CPNE5: variants seen among roughly 807,000 people sequenced by gnomAD.
CPNE5 encodes the protein copine 5.
CPNE5 carries 42 observed loss-of-function variants against 81.1 expected under a neutral mutation model. That is an observed-to-expected ratio of 0.52 (90% CI 0.40 to 0.67). The LOEUF is 0.67. CPNE5 is among the 30% of genes least tolerant of loss of function. The probability of loss-of-function intolerance (pLI) is 0.00; values close to 1 mark genes in which losing one functional copy is unlikely to be tolerated. For synonymous variants in CPNE5, 313 were observed against 321.5 expected, an observed-to-expected ratio of 0.97 and a Z score of 0.28; for missense variants, 612 against 815.5, an observed-to-expected ratio of 0.75 and a Z score of 3.04.
intron 19 of CPNE5, 108 bp from the exon 20 acceptor site, chr6:36,743,870 C>A: frequency 1.0e-6 from 1 of 959,236 alleles, no homozygotes. Flanking sequence ...AGGGCCGAGA[C>A]CACTGGCCCA....
intron 6 of CPNE5, among the ~76,000 whole-genome samples, chr6:36,795,853 G>A (rs1217287467): frequency 6.6e-6 from 1 of 152,190 alleles, no homozygotes; most frequent in Non-Finnish European, 1.5e-5. Flanking sequence ...ACAGGGTTTA[G>A]TCAGGAAGAC....
At chr6:36,839,646 G>A (rs1180477232), upstream of CPNE5, 10 of 268,098 alleles carry the variant, frequency 3.7e-5, no homozygotes, top group African/African-American at 1.6e-4. The surrounding 1 kb of genome is among the most constrained non-coding windows in gnomAD (Gnocchi z 7.3). Context: ...GGGAGCGGGG[G>A]CACAGCGGGG....
In CPNE5 at chr6:36,765,239, G is replaced by C. The variant is rs111864259; in HGVS notation, c.779+96C>G. 1,335 of 1,390,096 alleles carry C rather than the reference G, an allele frequency of 9.6e-4. 13 individuals carry two copies. The African/African-American group carries it at 0.015, about 16-fold the overall frequency. 86.1% of individuals were successfully genotyped at this position (1,390,096 alleles called of 1,614,324 possible). A position where few individuals can be genotyped will look rare whatever the true frequency, so the allele number is the denominator to read the frequency against. ...TCCCTCACCCCCAGAGCCACTGCGGGGGGGAGCCTGGTCACAGCTCCGCAT... is the reference window on the plus strand; with the variant it reads ...TCCCTCACCCCCAGAGCCACTGCGGCGGGGAGCCTGGTCACAGCTCCGCAT... On this transcript the variant is annotated intron_variant, in intron 11 of 20. Transcript: ENST00000244751.
intron 14 of CPNE5, 62 bp downstream of exon 14, chr6:36,752,972 T>C (rs1765011730): frequency 1.5e-6 from 2 of 1,378,946 alleles, no homozygotes; most frequent in Non-Finnish European, 2.1e-6. Context: ...GCCGGTCCTG[T>C]CGGTGTGTGG....
chr6:36,802,771 T>C (rs1405301649), intron 3 of CPNE5, among the ~76,000 whole-genome samples: 1 of 152,080 alleles, frequency 6.6e-6, no homozygotes, highest in Non-Finnish European at 1.5e-5. Flanking sequence ...CCAAAGGGGT[T>C]GGGTGCGGTG....
At chr6:36,788,961 A>T (rs1192274516) in intron 8 of CPNE5, among the ~76,000 whole-genome samples, 1 of 152,154 alleles carries the variant, frequency 6.6e-6, no homozygotes, top group African/African-American at 2.4e-5. Context: ...AAATGTATTC[A>T]TTTGAGCAGG....
At chr6:36,742,927 T>C in intron 20 of CPNE5, 1 of 985,382 alleles carries the variant, frequency 1.0e-6, no homozygotes, top group Non-Finnish European at 1.2e-6. Flanking sequence ...GGCCAATGCC[T>C]AATGCCAGGC....
chr6:36,820,267 A>G (rs1482987660), intron 3 of CPNE5, among the ~76,000 whole-genome samples: 1 of 150,784 alleles, frequency 6.6e-6, no homozygotes, highest in African/African-American at 2.4e-5. Context: ...AGGCAGAGGT[A>G]GCAATGTGGC....
intron 3 of CPNE5, among the ~76,000 whole-genome samples, chr6:36,815,030 C>A (rs9470409): frequency 6.6e-6 from 1 of 151,780 alleles, no homozygotes; most frequent in African/African-American, 2.4e-5. Flanking sequence ...TGGTGGTGCA[C>A]GCCTGTAATC....
chr6:36,801,492 T>C (rs1019668056), intron 3 of CPNE5, among the ~76,000 whole-genome samples: 2 of 152,172 alleles, frequency 1.3e-5, no homozygotes, highest in Non-Finnish European at 2.9e-5. Flanking sequence ...AACCATCCCA[T>C]CAAAGCGGCT....
chr6:36,770,554 G>A (rs1249182333), intron 10 of CPNE5, among the ~76,000 whole-genome samples: 1 of 151,936 alleles, frequency 6.6e-6, no homozygotes, highest in African/African-American at 2.4e-5. Context: ...TCTCACAATA[G>A]GAGGGAATGA....
intron 17 of CPNE5, 55 bp from the exon 18 acceptor site, chr6:36,745,205 C>A: frequency 6.7e-7 from 1 of 1,503,698 alleles, no homozygotes; most frequent in East Asian, 2.3e-5. Flanking sequence ...GGGCATGTTC[C>A]CCCCTAAACA....
At position 36,749,617 on chromosome 6, in the gene CPNE5, A is replaced by G. The variant is rs1027827543; in HGVS notation, c.972-1350T>C. 3.3e-5 allele frequency among the ~76,000 whole-genome samples: 5 copies of G among 151,724 alleles called. No homozygotes were observed. The East Asian group carries it at 7.7e-4, about 23-fold the overall frequency. On this transcript the variant is annotated intron_variant, in intron 14 of 20. Coordinates refer to ENST00000244751, the MANE Select transcript of CPNE5 (RefSeq NM_020939.2). ...TGAGGTGGGAGGATTGATTGACACT[A>G]GGAGTTCAAGGCCAGCCTGAGCAAC...
At chr6:36,753,785 C>T (rs190434549) in intron 13 of CPNE5, among the ~76,000 whole-genome samples, 2 of 152,234 alleles carry the variant, frequency 1.3e-5, no homozygotes, top group Non-Finnish European at 2.9e-5. Flanking sequence ...AGCTACCTGG[C>T]AGCTCATTAT....
chr6:36,809,545 C>T (rs1770908572), intron 3 of CPNE5, among the ~76,000 whole-genome samples: 1 of 151,926 alleles, frequency 6.6e-6, no homozygotes, highest in South Asian at 2.1e-4. Flanking sequence ...CACTGCACTC[C>T]AGCCTGGGCG....
intron 12 of CPNE5, among the ~76,000 whole-genome samples, chr6:36,762,461 A>G (rs1443026254): frequency 2.0e-5 from 3 of 152,148 alleles, no homozygotes; most frequent in Non-Finnish European, 4.4e-5. Flanking sequence ...GGCTAGAACA[A>G]GGAAGGTATC....
Position 36,743,723 on chromosome 6 carries a change from G to A in CPNE5, c.1529C>T (p.Ser510Phe). Residue 510 changes from serine (S) to phenylalanine (F), a missense_variant, in exon 20 of 21, where the codon TCC becomes TTC. Ser to Phe is a radical substitution (Grantham distance 155). Coordinates refer to ENST00000244751, the MANE Select transcript of CPNE5 (RefSeq NM_020939.2). The stretch of plus-strand genomic sequence containing the variant: ...GTCGCGTTCAGCCAGCTTCCCCCGG[G>A]AGGAGATCCGCACGTCGTCGCCATC... Reference protein sequence around the residue: ...ELDGDDVRISSRGKLAERDIV... With the variant: ...ELDGDDVRISFRGKLAERDIV... 2 of 1,613,282 alleles carry A rather than the reference G, an allele frequency of 1.2e-6. No individual in the cohort carries two copies. The highest frequency in any genetic ancestry group is 1.7e-6 in the Non-Finnish European group (2 of 1,180,008).
chr6:36,812,104 A>C, intron 3 of CPNE5, among the ~76,000 whole-genome samples: 1 of 152,224 alleles, frequency 6.6e-6, no homozygotes, highest in East Asian at 1.9e-4. Flanking sequence ...ACTCCGTCTC[A>C]AAAACAAACA....
At chr6:36,775,145 G>T (rs927161645) in intron 9 of CPNE5, 80 bp from the exon 10 acceptor site, 1 of 1,005,750 alleles carries the variant, frequency 9.9e-7, no homozygotes, top group South Asian at 1.3e-5. Context: ...GGAGTCAGCT[G>T]GTTCACATCT....
Sources: gnomAD v4.1 joint callset for allele counts (sites outside exome capture counted in the v4.1 genomes callset) on GRCh38, gnomAD v4.1.1 for gene constraint, Gnocchi (gnomAD v3.1) non-coding constraint, MANE v1.5 for transcripts, NCBI Gene and HGNC (gene_info 2026-07-23, HGNC 2026-07-21) for gene names.